The following PDE11A variants were observed in gnomAD, a reference collection of about 807,000 sequenced individuals.
PDE11A encodes the protein dual 3',5'-cyclic-AMP and -GMP phosphodiesterase 11A.
PDE11A carries 100 observed loss-of-function variants against 100.5 expected under a neutral mutation model. The ratio of observed to expected loss-of-function variants is 1.00; its 90% CI spans 0.85 to 1.18. The LOEUF (loss-of-function observed/expected upper bound fraction) is 1.18, where lower values mean the gene tolerates loss of function less well. Among genes scored for constraint, PDE11A ranks in the 50% most tolerant of loss-of-function variants. The probability of loss-of-function intolerance (pLI) is 0.00; values close to 1 mark genes in which losing one functional copy is unlikely to be tolerated. For synonymous variants in PDE11A, 381 were observed against 420.8 expected (o/e 0.91, Z 1.16); for missense variants, 1,141 against 1,152.6 (o/e 0.99, Z 0.15).
At chr2:177,639,249 T>G (rs2080102775) in intron 19 of PDE11A, among the ~76,000 whole-genome samples, 1 of 152,224 alleles carries the variant, frequency 6.6e-6, no homozygotes, top group African/African-American at 2.4e-5. Flanking sequence ...TCATATATTT[T>G]TCAGGTTTTG....
chr2:177,906,209 T>C (rs548424869), intron 2 of PDE11A, among the ~76,000 whole-genome samples: 10 of 151,742 alleles, frequency 6.6e-5, no homozygotes, highest in African/African-American at 1.9e-4. Context: ...ACGCACACAA[T>C]GGTGCCCTAG....
rs1206538024 is a variant in PDE11A, at chr2:178,024,111, G to A, written c.913-9651C>T. ...TAGGGTTAAGAACCACTGAATTAGAGGGTCACTTAATAAATCCAAGGCCTC... is the reference window on the plus strand; with the variant it reads ...TAGGGTTAAGAACCACTGAATTAGAAGGTCACTTAATAAATCCAAGGCCTC... On this transcript the variant is annotated intron_variant, in intron 1 of 19. Transcript: ENST00000286063. Among the ~76,000 whole-genome samples, 9 of 152,178 alleles carry A rather than the reference G, an allele frequency of 5.9e-5. No individual in the cohort carries two copies. The East Asian group carries it at 1.5e-3, about 26-fold the overall frequency.
At position 177,997,819 on chromosome 2, in the gene PDE11A, A is replaced by C. The variant is rs574515673; in HGVS notation, c.1071+16483T>G. 7.4e-5 allele frequency: 97 copies of C among 1,306,922 alleles called. No homozygotes were observed. In the African/African-American group the frequency reaches 1.2e-3, roughly 17 times the overall value. 81.0% of individuals were successfully genotyped at this position (1,306,922 alleles called of 1,614,324 possible). A position where few individuals can be genotyped will look rare whatever the true frequency, so the allele number is the denominator to read the frequency against. ...TTCTGCTTCTTCTGGAGGGAGGGGCATGTATTCCAATAACTTATCAAATAG... is the reference window on the plus strand; with the variant it reads ...TTCTGCTTCTTCTGGAGGGAGGGGCCTGTATTCCAATAACTTATCAAATAG... On this transcript the variant is annotated intron_variant, in intron 2 of 19. Coordinates refer to ENST00000286063, the MANE Select transcript of PDE11A (RefSeq NM_016953.4).
intron 9 of PDE11A, among the ~76,000 whole-genome samples, chr2:177,782,793 C>T (rs903823829): frequency 1.3e-5 from 2 of 151,806 alleles, no homozygotes; most frequent in Non-Finnish European, 2.9e-5. Flanking sequence ...CTTTCTCTTT[C>T]TCCCTCCTTT....
At position 177,879,402 on chromosome 2, in the gene PDE11A, A is replaced by C. The variant is rs185519408; in HGVS notation, c.1303-3479T>G. Among the ~76,000 whole-genome samples the C allele has an allele frequency of 5.1e-3, 771 of 152,348 alleles. 1 individual carries two copies. The highest frequency in any genetic ancestry group is 6.7e-3 in the Non-Finnish European group (458 of 68,036). ...CTTGCTTTAGATTTCTGCAAGAGTTAAGTTTTTAACTTTTTGAAAATTATC... is the reference window on the plus strand; with the variant it reads ...CTTGCTTTAGATTTCTGCAAGAGTTCAGTTTTTAACTTTTTGAAAATTATC... On this transcript the variant is annotated intron_variant, in intron 4 of 19. Transcript: ENST00000286063.
chr2:178,016,385 T>A (rs2086338263), intron 1 of PDE11A, among the ~76,000 whole-genome samples: 2 of 151,860 alleles, frequency 1.3e-5, no homozygotes, highest in Admixed American at 6.6e-5. Context: ...GAGAGGGAAA[T>A]CAAAACCCAA....
At chr2:177,643,946 C>T (rs1376332980) in intron 19 of PDE11A, among the ~76,000 whole-genome samples, 1 of 152,228 alleles carries the variant, frequency 6.6e-6, no homozygotes, top group Non-Finnish European at 1.5e-5. Context: ...TGCAAGTCCA[C>T]AGAAGTCAAG....
At chr2:177,776,048 T>G (rs1294851175) in intron 9 of PDE11A, among the ~76,000 whole-genome samples, 1 of 152,168 alleles carries the variant, frequency 6.6e-6, no homozygotes, top group Non-Finnish European at 1.5e-5. Context: ...AAACAGTATC[T>G]CCATTACCCA....
At chr2:177,758,863 A>G (rs1022423029) in intron 10 of PDE11A, among the ~76,000 whole-genome samples, 4 of 152,212 alleles carry the variant, frequency 2.6e-5, no homozygotes, top group African/African-American at 7.2e-5. Context: ...GCCTGGGCAA[A>G]TGAATAAGCT....
At chr2:177,817,813 G>A (rs747265161) in intron 8 of PDE11A, 45 bp downstream of exon 8, 1 of 837,498 alleles carries the variant, frequency 1.2e-6, no homozygotes, top group South Asian at 1.3e-5. Context: ...CTGCAACCAG[G>A]GGACTATTGA....
At chr2:177,983,796 T>C (rs1024426613) in intron 2 of PDE11A, among the ~76,000 whole-genome samples, 3 of 152,206 alleles carry the variant, frequency 2.0e-5, no homozygotes, top group Admixed American at 6.5e-5. Context: ...TCACTAGATA[T>C]AGCCATAACA....
Position 177,662,049 on chromosome 2 carries a change from G to A in PDE11A, c.2646+1817C>T, listed in dbSNP as rs72943337. Among the ~76,000 whole-genome samples, 754 of 152,254 alleles carry A rather than the reference G, an allele frequency of 5.0e-3. 4 individuals carry two copies. Among genetic ancestry groups the A allele is most frequent in the Non-Finnish European group, 8.6e-3 (588 of 68,012 alleles). Reference sequence around the variant, plus strand: ...TAAAACAGATGTGAAAAATCAGGACGATATATAATGTGAAGGGATAATATT... The same window carrying A: ...TAAAACAGATGTGAAAAATCAGGACAATATATAATGTGAAGGGATAATATT... On this transcript the variant is annotated intron_variant, in intron 19 of 19. Coordinates refer to ENST00000286063, the MANE Select transcript of PDE11A (RefSeq NM_016953.4).
At position 177,626,947 on chromosome 2, in the gene PDE11A, TCTTTC is replaced by T. The variant is rs2079842859; in HGVS notation, c.*2455_*2459del. ...CCTTAACCACCTGTCTCGGTCCCTG[TCTTTC>T]CTTTACTGGTGTTCTTACGTTTCTT... On this transcript the variant is annotated 3_prime_UTR_variant, in exon 20 of 20. Transcript: ENST00000286063. 1 of 150,058 alleles carries T rather than the reference TCTTTC, an allele frequency of 6.7e-6. No homozygotes were observed. The highest frequency in any genetic ancestry group is 6.6e-5 in the Admixed American group (1 of 15,086). The allele number at this position is 150,058 out of a possible 1,614,324, so 9.3% of individuals were successfully genotyped here.
rs57211363 is a variant in PDE11A at position 177,713,987 on chromosome 2, C to CTTTTTTTTTTTTTTTTTTTTTT, written c.2044-2131_2044-2110dup. Among the ~76,000 whole-genome samples the CTTTTTTTTTTTTTTTTTTTTTT allele has an allele frequency of 4.5e-3, 352 of 77,402 alleles. 13 individuals carry two copies. The highest frequency in any genetic ancestry group is 8.1e-3 in the South Asian group (13 of 1,610). 50.8% of individuals were successfully genotyped at this position (77,402 alleles called of 152,430 possible). A position where few individuals can be genotyped will look rare whatever the true frequency, so the allele number is the denominator to read the frequency against. On this transcript the variant is annotated intron_variant, in intron 12 of 19. Transcript: ENST00000286063. ...TCCCACCATATTTCTTTTCTTTTTT[C>CTTTTTTTTTTTTTTTTTTTTTT]TTTTTTTTTTTTTTTTTTTTTTTTG...
At chr2:178,061,584 G>T (rs572537454) in intron 1 of PDE11A, among the ~76,000 whole-genome samples, 1 of 152,296 alleles carries the variant, frequency 6.6e-6, no homozygotes, top group Non-Finnish European at 1.5e-5. Flanking sequence ...ATTCAAGCAT[G>T]AGGGTGAGAT....
intron 2 of PDE11A, chr2:177,922,733 A>G: frequency 4.1e-6 from 4 of 985,400 alleles, no homozygotes; most frequent in Non-Finnish European, 4.8e-6. Context: ...ATGGCTTCCT[A>G]TTGCTTACAG....
intron 5 of PDE11A, among the ~76,000 whole-genome samples, chr2:177,867,512 G>A (rs2084051132): frequency 6.6e-6 from 1 of 152,168 alleles, no homozygotes. Flanking sequence ...GGCGCATCAC[G>A]AGGTCAAGAG....
At chr2:177,731,775 T>C (rs2081695044) in intron 10 of PDE11A, among the ~76,000 whole-genome samples, 1 of 152,172 alleles carries the variant, frequency 6.6e-6, no homozygotes, top group South Asian at 2.1e-4. Context: ...GAGTCTATGG[T>C]ATAAATCTGC....
intron 15 of PDE11A, among the ~76,000 whole-genome samples, chr2:177,693,375 T>G (rs1164194991): frequency 6.6e-6 from 1 of 152,204 alleles, no homozygotes; most frequent in African/African-American, 2.4e-5. Context: ...CGGACAATTT[T>G]GAAGTGCGAT....
Sources: gnomAD v4.1 joint callset for allele counts (sites outside exome capture counted in the v4.1 genomes callset) on GRCh38, gnomAD v4.1.1 for gene constraint, MANE v1.5 for transcripts, NCBI Gene and HGNC (gene_info 2026-07-23, HGNC 2026-07-21) for gene names.